The following WAPL variants were observed in gnomAD, a reference collection of about 807,000 sequenced individuals.
WAPL encodes the protein wings apart-like protein homolog.
WAPL carries 5 observed loss-of-function variants against 121.0 expected under a neutral mutation model. The ratio of observed to expected loss-of-function variants is 0.04; its 90% CI spans 0.02 to 0.09. The LOEUF is 0.09. WAPL is among the 10% of genes least tolerant of loss of function. The pLI, the probability that WAPL is intolerant of heterozygous loss-of-function variation, is 1.00. For synonymous variants in WAPL, 480 were observed against 481.5 expected (o/e 1.00, Z 0.04); for missense variants, 999 against 1,410.8 (o/e 0.71, Z 4.68).
intron 4 of WAPL, among the ~76,000 whole-genome samples, chr10:86,483,082 A>T (rs1841829397): frequency 6.6e-6 from 1 of 152,220 alleles, no homozygotes; most frequent in Non-Finnish European, 1.5e-5. Flanking sequence ...GTTTGTAGTG[A>T]TGCTTTTGTA....
Position 86,521,573 on chromosome 10 carries a change from G to T in WAPL, c.-231C>A. Reference sequence around the variant, plus strand: ...CGCAACTTCCCTCCCCGCCTCGAGCGCCGCCGGCCGGGCCCAGGCCTAGCT... The same window carrying T: ...CGCAACTTCCCTCCCCGCCTCGAGCTCCGCCGGCCGGGCCCAGGCCTAGCT... On this transcript the variant is annotated 5_prime_UTR_variant, in exon 1 of 19. Transcript: ENST00000298767. 2.4e-6 allele frequency: 1 copy of T among 411,624 alleles called. No individual in the cohort carries two copies. The highest frequency in any genetic ancestry group is 4.9e-6 in the Non-Finnish European group (1 of 205,048). The allele number at this position is 411,624 out of a possible 1,614,324, so 25.5% of individuals were successfully genotyped here.
At chr10:86,457,410 T>C (rs1841175987) in intron 12 of WAPL, among the ~76,000 whole-genome samples, 1 of 151,286 alleles carries the variant, frequency 6.6e-6, no homozygotes, top group Non-Finnish European at 1.5e-5. Flanking sequence ...CCCAACACTT[T>C]GGGAGGCCAA....
chr10:86,457,693 G>A (rs562946258), intron 12 of WAPL, among the ~76,000 whole-genome samples: 7 of 151,838 alleles, frequency 4.6e-5, no homozygotes, highest in African/African-American at 1.4e-4. Context: ...GATACAAAAC[G>A]TACAAATCCA....
intron 4 of WAPL, among the ~76,000 whole-genome samples, chr10:86,476,687 TA>T (rs34743479): frequency 0.37 from 51,616 of 140,130 alleles, 9,601 homozygotes; most frequent in East Asian, 0.62. Flanking sequence ...AGACTGTCTT[TA>T]AAAAAAAAAA....
Position 86,472,778 on chromosome 10 carries a change from T to C in WAPL, c.1741-14A>G. 6.3e-7 allele frequency: 1 copy of C among 1,594,638 alleles called. No homozygotes were observed. The highest frequency in any genetic ancestry group is 8.5e-7 in the Non-Finnish European group (1 of 1,172,378). ...AGACAGCCTCACCTATTAATAAAGG[T>C]ATTAAATTAGTTGTTCTAAATAAAT... On this transcript the variant is annotated splice_polypyrimidine_tract_variant and intron_variant, in intron 5 of 18. Coordinates refer to ENST00000298767, the MANE Select transcript of WAPL (RefSeq NM_015045.5). This position sits in a 1 kb window ranked among gnomAD's most constrained non-coding sequence, Gnocchi z 4.2.
rs188633870 is a variant in WAPL, at chr10:86,494,439, G to A, written c.1644+2762C>T. ...TGGCAGGCATTTTCTCGAAAACAAA[G>A]AGTAAATCTGTTACCATCAGTTGTT... is the stretch of plus-strand genomic sequence containing the variant. On this transcript the variant is annotated intron_variant, in intron 4 of 18. Coordinates refer to ENST00000298767, the MANE Select transcript of WAPL (RefSeq NM_015045.5). Among the ~76,000 whole-genome samples, 121 of 152,256 alleles carry A rather than the reference G, an allele frequency of 7.9e-4. 4 individuals are homozygous for A. The East Asian group carries it at 0.017, about 22-fold the overall frequency.
intron 7 of WAPL, among the ~76,000 whole-genome samples, chr10:86,471,598 T>G (rs932100873): frequency 1.3e-5 from 2 of 151,724 alleles, no homozygotes; most frequent in African/African-American, 4.8e-5. Flanking sequence ...ACATCAGAGG[T>G]AAAAAGAACT....
intron 4 of WAPL, among the ~76,000 whole-genome samples, chr10:86,482,020 TAATTTGTGAAC>T (rs1243387696): frequency 2.0e-5 from 3 of 152,260 alleles, no homozygotes; most frequent in Admixed American, 1.3e-4. Context: ...TAATCCCAAG[TAATTTGTGAAC>T]ATATTATTTG....
intron 15 of WAPL, among the ~76,000 whole-genome samples, chr10:86,447,363 A>T (rs1355716619): frequency 6.6e-6 from 1 of 152,242 alleles, no homozygotes; most frequent in Non-Finnish European, 1.5e-5. Flanking sequence ...GGAAGAACTG[A>T]GTTGTTGGGG....
rs184475475 is a variant in WAPL at position 86,476,305 on chromosome 10, C to G, written c.1645-2332G>C. ...GCTAGAACCCGGGAGTCGGAGGTTG[C>G]AGTGATCTGAGATGGTGCCATTGCA... On this transcript the variant is annotated intron_variant, in intron 4 of 18. Coordinates refer to ENST00000298767, the MANE Select transcript of WAPL (RefSeq NM_015045.5). 8.1e-4 allele frequency among the ~76,000 whole-genome samples: 124 copies of G among 152,266 alleles called. 2 individuals carry two copies. The highest frequency in any genetic ancestry group is 2.7e-3 in the African/African-American group (112 of 41,558).
At chr10:86,492,605 C>A (rs1024348514) in intron 4 of WAPL, among the ~76,000 whole-genome samples, 7 of 152,164 alleles carry the variant, frequency 4.6e-5, no homozygotes, top group African/African-American at 1.4e-4. Context: ...CACCGCCCCC[C>A]ACCAAAAAGT....
intron 17 of WAPL, among the ~76,000 whole-genome samples, chr10:86,442,991 C>T (rs1042870922): frequency 7.6e-5 from 11 of 144,272 alleles, no homozygotes; most frequent in Admixed American, 1.4e-4. Flanking sequence ...TGCAGTGAGC[C>T]GAGATTGCGC....
At chr10:86,492,993 G>A (rs1219478505) in intron 4 of WAPL, among the ~76,000 whole-genome samples, 3 of 151,822 alleles carry the variant, frequency 2.0e-5, no homozygotes, top group South Asian at 2.1e-4. Context: ...TCCAGGAGGC[G>A]GAGCTTGCAG....
intron 15 of WAPL, among the ~76,000 whole-genome samples, chr10:86,449,617 T>C (rs1237890209): frequency 2.0e-5 from 3 of 152,218 alleles, no homozygotes; most frequent in African/African-American, 7.2e-5. Flanking sequence ...CAGGGATCTC[T>C]GAGGGTGTGG....
chr10:86,482,428 G>A (rs951179064), intron 4 of WAPL, among the ~76,000 whole-genome samples: 4 of 152,282 alleles, frequency 2.6e-5, no homozygotes, highest in Admixed American at 6.5e-5. Flanking sequence ...ATATGTATAC[G>A]TGCATGTTTC....
At chr10:86,474,815 G>GC (rs1320759185) in intron 4 of WAPL, among the ~76,000 whole-genome samples, 2 of 152,176 alleles carry the variant, frequency 1.3e-5, no homozygotes, top group Non-Finnish European at 2.9e-5. Flanking sequence ...ACCAATTCAT[G>GC]CCTCACAATC....
chr10:86,478,129 TAAA>T (rs3858277), intron 4 of WAPL, among the ~76,000 whole-genome samples: 71 of 148,574 alleles, frequency 4.8e-4, no homozygotes, highest in East Asian at 3.9e-4. Flanking sequence ...TTTTCTGTAT[TAAA>T]AAAAAAAAAA....
At chr10:86,489,299 A>C (rs968597489) in intron 4 of WAPL, among the ~76,000 whole-genome samples, 3 of 152,226 alleles carry the variant, frequency 2.0e-5, no homozygotes, top group African/African-American at 7.2e-5. Flanking sequence ...TTGTTTTGCT[A>C]TAAAGAACAT....
chr10:86,453,527 A>G (rs996812070), intron 13 of WAPL, 129 bp downstream of exon 13: 11 of 1,247,134 alleles, frequency 8.8e-6, no homozygotes, highest in Non-Finnish European at 1.2e-5. Flanking sequence ...TTAAACCTAC[A>G]CATGAGTAAG....
Sources: allele counts gnomAD v4.1 joint callset (sites outside exome capture counted in the v4.1 genomes callset), GRCh38; gene constraint gnomAD v4.1.1; non-coding constraint Gnocchi (gnomAD v3.1); transcripts MANE v1.5; gene names NCBI Gene and HGNC (gene_info 2026-07-23, HGNC 2026-07-21).